Variants in IFT43 observed in about 807,000 individuals in gnomAD.
IFT43 encodes intraflagellar transport 43.
IFT43 carries 33 observed loss-of-function variants against 32.3 expected under a neutral mutation model. The ratio of observed to expected loss-of-function variants is 1.02; its 90% confidence interval spans 0.77 to 1.37. IFT43 has a LOEUF of 1.37. Among genes scored for constraint, IFT43 ranks in the 40% most tolerant of loss-of-function variants. The pLI, the probability that IFT43 is intolerant of heterozygous loss-of-function variation, is 0.00. For synonymous variants in IFT43, 93 were observed against 98.2 expected (o/e 0.95, Z 0.31); for missense variants, 274 against 265.9 (o/e 1.03, Z -0.21).
intron 3 of IFT43, among the ~76,000 whole-genome samples, chr14:76,027,420 C>G (rs1052662874): frequency 6.6e-6 from 1 of 151,292 alleles, no homozygotes; most frequent in South Asian, 2.1e-4. Context: ...GCATGCATCT[C>G]TCAAGATTAA....
intron 3 of IFT43, among the ~76,000 whole-genome samples, chr14:76,029,850 A>ATTTTT: frequency 2.6e-5 from 2 of 76,298 alleles, no homozygotes; most frequent in South Asian, 4.5e-4. Context: ...TTTTATTTTT[A>ATTTTT]TTTTTATTTT....
intron 2 of IFT43, among the ~76,000 whole-genome samples, chr14:75,997,690 G>A (rs946687463): frequency 1.3e-5 from 2 of 151,982 alleles, no homozygotes; most frequent in African/African-American, 4.8e-5. Flanking sequence ...AGTGACCAGA[G>A]CAGAGACTTG....
intron 3 of IFT43, among the ~76,000 whole-genome samples, chr14:76,025,505 T>A (rs1041362640): frequency 3.3e-5 from 5 of 151,558 alleles, no homozygotes; most frequent in African/African-American, 1.2e-4. Flanking sequence ...CTAAGCAAAC[T>A]AAAACAAAAA....
chr14:75,989,117 C>G, intron 2 of IFT43, 140 bp downstream of exon 2: 1 of 1,112,354 alleles, frequency 9.0e-7, no homozygotes, highest in Non-Finnish European at 1.3e-6. Flanking sequence ...AATTCCCTTC[C>G]TTGGCATTTG....
At chr14:75,986,353 A>G (rs1247403929) in intron 1 of IFT43, 38 of 1,148,842 alleles carry the variant, frequency 3.3e-5, no homozygotes, top group Non-Finnish European at 4.2e-5. Context: ...TTACCTCAGT[A>G]GTTAAGGAAA....
intron 2 of IFT43, among the ~76,000 whole-genome samples, chr14:76,007,134 C>T (rs1184734650): frequency 6.6e-6 from 1 of 152,170 alleles, no homozygotes; most frequent in Admixed American, 6.5e-5. Flanking sequence ...TTTGGGATTA[C>T]AGGTGTGAGC....
chr14:75,995,436 C>CTAT (rs1361512899), intron 2 of IFT43, among the ~76,000 whole-genome samples: 4 of 152,174 alleles, frequency 2.6e-5, no homozygotes, highest in African/African-American at 9.7e-5. Flanking sequence ...TTCTCTCCCC[C>CTAT]TATTCCCTTG....
intron 5 of IFT43, among the ~76,000 whole-genome samples, chr14:76,080,634 C>G (rs975721578): frequency 3.3e-5 from 5 of 152,230 alleles, no homozygotes; most frequent in African/African-American, 1.2e-4. Flanking sequence ...AACTGTCACA[C>G]TGCCGATGGT....
At chr14:76,056,887 T>A (rs2037028683) in intron 3 of IFT43, among the ~76,000 whole-genome samples, 1 of 152,192 alleles carries the variant, frequency 6.6e-6, no homozygotes, top group African/African-American at 2.4e-5. Flanking sequence ...AGAATAGGCA[T>A]TGGAAGCCTA....
chr14:76,027,143 T>A (rs997299460), intron 3 of IFT43, among the ~76,000 whole-genome samples: 18 of 152,136 alleles, frequency 1.2e-4, no homozygotes, highest in African/African-American at 3.4e-4. Context: ...CTAGGCTTAA[T>A]GTCAGGGTGA....
At position 76,036,409 on chromosome 14, in the gene IFT43, T is replaced by C. The variant is rs1368327930; in HGVS notation, c.215+14015T>C. On this transcript the variant is annotated intron_variant, in intron 3 of 8. Coordinates refer to ENST00000314067, the MANE Select transcript of IFT43 (RefSeq NM_001102564.3). ...TGTTCTTTCGTTCTTTCTGTCTTTC[T>C]TTTTTTTTTTTTTTTTGGTGGAGTC... Among the ~76,000 whole-genome samples the C allele has an allele frequency of 1.2e-4, 7 of 57,266 alleles. No homozygotes were observed. In the East Asian group the frequency reaches 1.8e-3, roughly 15 times the overall value. The allele number at this position is 57,266 out of a possible 152,430, so 37.6% of individuals were successfully genotyped here.
intron 5 of IFT43, among the ~76,000 whole-genome samples, chr14:76,066,323 G>A (rs1432705058): frequency 6.6e-6 from 1 of 152,210 alleles, no homozygotes; most frequent in East Asian, 1.9e-4. Flanking sequence ...TCTTGTCAGA[G>A]AGCGCTCCTG....
chr14:76,059,827 C>T (rs1197753531), intron 5 of IFT43, among the ~76,000 whole-genome samples: 5 of 152,202 alleles, frequency 3.3e-5, no homozygotes, highest in African/African-American at 1.2e-4. Context: ...CCCCATTTTA[C>T]AGTTGTGGAA....
intron 6 of IFT43, 39 bp downstream of exon 6, chr14:76,082,406 C>A: frequency 1.5e-6 from 2 of 1,337,544 alleles, no homozygotes; most frequent in Non-Finnish European, 2.2e-6. Flanking sequence ...GCAAAGAACA[C>A]GTGAATTAAT....
chr14:76,052,106 G>A (rs2036924602), intron 3 of IFT43, among the ~76,000 whole-genome samples: 1 of 151,996 alleles, frequency 6.6e-6, no homozygotes, highest in Admixed American at 6.5e-5. Flanking sequence ...TCCAGTATGT[G>A]CTGTGGATAT....
intron 5 of IFT43, among the ~76,000 whole-genome samples, chr14:76,079,379 A>G (rs1237462138): frequency 1.3e-5 from 2 of 152,238 alleles, no homozygotes; most frequent in Non-Finnish European, 2.9e-5. Context: ...TACTGATCAC[A>G]GTGCTAGTAT....
At chr14:76,032,996 G>A (rs1011114398) in intron 3 of IFT43, among the ~76,000 whole-genome samples, 11 of 152,144 alleles carry the variant, frequency 7.2e-5, no homozygotes, top group African/African-American at 2.7e-4. Context: ...GGACATGTGG[G>A]TAATTTCCAT....
intron 7 of IFT43, among the ~76,000 whole-genome samples, chr14:76,082,953 C>T (rs765116406): frequency 1.8e-4 from 27 of 152,220 alleles, no homozygotes; most frequent in Non-Finnish European, 3.1e-4. Context: ...GCACCCCACT[C>T]CCCTCTGTCC....
chr14:76,020,041 C>T (rs1229011253), intron 2 of IFT43, among the ~76,000 whole-genome samples: 4 of 152,054 alleles, frequency 2.6e-5, no homozygotes, highest in African/African-American at 9.7e-5. Context: ...GTGGCGCAAT[C>T]TCAGCTCACT....
Sources: allele counts gnomAD v4.1 joint callset (sites outside exome capture counted in the v4.1 genomes callset), GRCh38; gene constraint gnomAD v4.1.1; transcripts MANE v1.5; gene names NCBI Gene and HGNC (gene_info 2026-07-23, HGNC 2026-07-21).